MS4A4E: variants seen among roughly 807,000 people sequenced by gnomAD.
MS4A4E encodes the protein membrane spanning 4-domains A4E.
In MS4A4E, 23 loss-of-function variants were observed where a neutral mutation model predicts 13.3. The ratio of observed to expected loss-of-function variants is 1.73; its 90% confidence interval spans 1.25 to 2.45. The LOEUF (loss-of-function observed/expected upper bound fraction) is 2.45. MS4A4E is among the 30% of genes most tolerant of loss of function. The pLI is 0.00. For missense variants in MS4A4E, 144 were observed against 131.2 expected, an observed-to-expected ratio of 1.10 and a Z score of -0.48; for synonymous variants, 36 against 45.6, an observed-to-expected ratio of 0.79 and a Z score of 0.85.
At chr11:60,236,445 T>C (rs1289438552) in intron 1 of MS4A4E, among the ~76,000 whole-genome samples, 1 of 152,108 alleles carries the variant, frequency 6.6e-6, no homozygotes, top group East Asian at 1.9e-4. Flanking sequence ...TGAGTTTTTT[T>C]TCATTTGTTT....
intron 6 of MS4A4E, among the ~76,000 whole-genome samples, chr11:60,208,031 C>G (rs1387143104): frequency 6.6e-6 from 1 of 152,112 alleles, no homozygotes; most frequent in Non-Finnish European, 1.5e-5. Flanking sequence ...AGAGGTTATG[C>G]CCTTTGAGAA....
intron 1 of MS4A4E, among the ~76,000 whole-genome samples, chr11:60,239,130 T>G (rs1236603529): frequency 6.6e-6 from 1 of 152,238 alleles, no homozygotes; most frequent in Non-Finnish European, 1.5e-5. Flanking sequence ...GTGGATCCTC[T>G]TAAGCAAACG....
At chr11:60,237,265 A>G (rs1394928970) in intron 1 of MS4A4E, among the ~76,000 whole-genome samples, 1 of 152,178 alleles carries the variant, frequency 6.6e-6, no homozygotes, top group Non-Finnish European at 1.5e-5. Flanking sequence ...TGTTCCTGCA[A>G]TGAACATGAT....
At chr11:60,208,857 T>A (rs1351079709) in intron 5 of MS4A4E, among the ~76,000 whole-genome samples, 163 bp from the exon 6 acceptor site, 1 of 152,242 alleles carries the variant, frequency 6.6e-6, no homozygotes, top group African/African-American at 2.4e-5. Context: ...TCTGCTGAAG[T>A]AGCTTCTCAC....
chr11:60,219,962 T>TG (rs77732321), intron 3 of MS4A4E, among the ~76,000 whole-genome samples: 23,146 of 152,112 alleles, frequency 0.15, 2,020 homozygotes, highest in African/African-American at 0.23. Context: ...AGTGCCAGAA[T>TG]GCATAATTGA....
At chr11:60,209,740 A>C (rs534324714) in intron 5 of MS4A4E, among the ~76,000 whole-genome samples, 1 of 152,316 alleles carries the variant, frequency 6.6e-6, no homozygotes, top group African/African-American at 2.4e-5. Flanking sequence ...TATTAATTTT[A>C]CCCCGGACTG....
At chr11:60,236,556 ATTG>A (rs1340574760) in intron 1 of MS4A4E, among the ~76,000 whole-genome samples, 1 of 151,840 alleles carries the variant, frequency 6.6e-6, no homozygotes, top group Non-Finnish European at 1.5e-5. Flanking sequence ...TGTAAAGGAG[ATTG>A]TTGTCTTAAT....
intron 2 of MS4A4E, 137 bp downstream of exon 2, chr11:60,229,775 C>T (rs1590724453): frequency 1.3e-6 from 1 of 756,938 alleles, no homozygotes; most frequent in South Asian, 2.0e-5. Context: ...AAAGAAAGGG[C>T]CTGAAATTAA....
At chr11:60,232,843 G>A (rs1032252958) in intron 1 of MS4A4E, among the ~76,000 whole-genome samples, 4 of 152,234 alleles carry the variant, frequency 2.6e-5, no homozygotes, top group African/African-American at 7.2e-5. Context: ...CCATTCCTGA[G>A]CCAAACTGCC....
intron 6 of MS4A4E, among the ~76,000 whole-genome samples, chr11:60,206,474 CAT>C (rs1306216297): frequency 0.36 from 28,817 of 80,978 alleles, 5,476 homozygotes; most frequent in South Asian, 0.52. Flanking sequence ...CACACACACA[CAT>C]ATATATATAT....
At chr11:60,221,433 G>A (rs657928) in intron 3 of MS4A4E, among the ~76,000 whole-genome samples, 60,893 of 151,980 alleles carry the variant, frequency 0.4, 12,663 homozygotes, top group East Asian at 0.41. Flanking sequence ...ATGGTCTCAT[G>A]GGGAGTTCCC....
intron 3 of MS4A4E, among the ~76,000 whole-genome samples, chr11:60,226,353 A>G (rs1478427821): frequency 6.6e-6 from 1 of 152,034 alleles, no homozygotes; most frequent in Non-Finnish European, 1.5e-5. Flanking sequence ...CTGCAGACCA[A>G]CATCTCTGGT....
At chr11:60,228,512 G>T in intron 3 of MS4A4E, 82 bp downstream of exon 3, 1 of 597,090 alleles carries the variant, frequency 1.7e-6, no homozygotes, top group Non-Finnish European at 3.0e-6. Flanking sequence ...CTTCAAAATT[G>T]CAAAGTAACA....
rs766320256 is a variant in MS4A4E at position 60,213,293 on chromosome 11, T to C, written c.223-161A>G. On this transcript the variant is annotated intron_variant, in intron 4 of 8. Transcript: ENST00000651255. ...CTGATCTCTCGCCAAAACACAAATA[T>C]GATCCCATTATTCTCCAGCTTAAAT... The C allele has an allele frequency of 1.8e-5, 27 of 1,535,406 alleles. 1 individual carries two copies. The South Asian group carries it at 3.2e-4, about 18-fold the overall frequency.
intron 3 of MS4A4E, among the ~76,000 whole-genome samples, chr11:60,223,210 G>C (rs1320107302): frequency 6.6e-6 from 1 of 152,176 alleles, no homozygotes; most frequent in African/African-American, 2.4e-5. Context: ...CTTTTGTTAA[G>C]AACATGTTTG....
chr11:60,224,869 G>A (rs922574460), intron 3 of MS4A4E: 9 of 1,102,964 alleles, frequency 8.2e-6, no homozygotes, highest in African/African-American at 3.1e-5. Context: ...CAAATTTACA[G>A]AATTACAAGA....
intron 3 of MS4A4E, among the ~76,000 whole-genome samples, chr11:60,219,404 T>C (rs553329511): frequency 2.0e-5 from 3 of 152,304 alleles, no homozygotes; most frequent in Admixed American, 2.0e-4. Flanking sequence ...ATCAGAATAG[T>C]CTGACTTGTG....
rs1028562191 is a variant in MS4A4E at position 60,204,919 on chromosome 11, G to A, written c.630C>T (p.Asp210=). 3.3e-5 allele frequency among the ~76,000 whole-genome samples: 5 copies of A among 152,144 alleles called. No individual in the cohort carries two copies. The highest frequency in any genetic ancestry group is 1.2e-4 in the African/African-American group (5 of 41,412). The change falls in exon 8 of 9, where the codon GAC becomes GAT. Residue 210 remains aspartate, a synonymous_variant. Transcript: ENST00000651255. The part of the protein sequence containing the change: ...DGQYLEKVYY[D]ILSSWLRIES... ...CAATCCTCAACCAAGAAGATAGAAT[G>A]TCATAATAGACTTTTTCCAGATACT...
At chr11:60,234,577 T>TC (rs568071984) in intron 1 of MS4A4E, among the ~76,000 whole-genome samples, 2,576 of 152,204 alleles carry the variant, frequency 0.017, 74 homozygotes, top group African/African-American at 0.059. Context: ...CTCACTTCCA[T>TC]CTTTTTCCAT....
Sources: gnomAD v4.1 joint callset for allele counts (sites outside exome capture counted in the v4.1 genomes callset) on GRCh38, gnomAD v4.1.1 for gene constraint, MANE v1.5 for transcripts, NCBI Gene and HGNC (gene_info 2026-07-23, HGNC 2026-07-21) for gene names.